Variants in PCDHA4 observed in about 807,000 individuals in gnomAD.
The protein encoded by PCDHA4 is protocadherin alpha-4.
PCDHA4 carries 49 observed loss-of-function variants against 61.4 expected under a neutral mutation model. The observed-to-expected ratio is 0.80, with a 90% CI of 0.63 to 1.01. The LOEUF (loss-of-function observed/expected upper bound fraction) is 1.01. Among genes scored for constraint, PCDHA4 ranks in the 50% least tolerant of loss-of-function variants. The pLI is 0.00. For missense variants in PCDHA4, 1,254 were observed against 1,235.8 expected (o/e 1.01, Z -0.22); for synonymous variants, 590 against 550.3 (o/e 1.07, Z -1.01).
intron 1 of PCDHA4, among the ~76,000 whole-genome samples, chr5:140,899,002 G>T (rs1265936919): frequency 7.2e-4 from 110 of 151,880 alleles, no homozygotes; most frequent in African/African-American, 2.6e-3. Context: ...GTCTGTTATT[G>T]GTGTATAAGA....
At chr5:140,960,162 C>T (rs782387212) in intron 1 of PCDHA4, among the ~76,000 whole-genome samples, 3 of 152,064 alleles carry the variant, frequency 2.0e-5, no homozygotes, top group Non-Finnish European at 4.4e-5. Context: ...ACTGATAATA[C>T]AATTCTTAAG....
intron 1 of PCDHA4, among the ~76,000 whole-genome samples, chr5:140,819,486 C>T (rs1554127699): frequency 6.6e-6 from 1 of 152,094 alleles, no homozygotes. Context: ...GATGCTTAAA[C>T]ATGACTGAAA....
At chr5:140,882,228 T>G in intron 1 of PCDHA4, 1 of 1,564,682 alleles carries the variant, frequency 6.4e-7, no homozygotes, top group Non-Finnish European at 8.7e-7. Context: ...GGTAAGGCGT[T>G]GTATATATTG....
Position 140,808,056 on chromosome 5 carries a change from A to T in PCDHA4, c.869A>T (p.Lys290Ile), listed in dbSNP as rs1393234929. The T allele has an allele frequency of 1.3e-5, 21 of 1,613,972 alleles. No homozygotes were observed. The highest frequency in any genetic ancestry group is 1.5e-5 in the Non-Finnish European group (18 of 1,179,978). ...TCAAATGATATTTCGCCAAATGTGA[A>T]ATCCAAGTTTCACATAGATCCAATT... ...SFSNDISPNVKSKFHIDPITG... is the reference protein window; with the variant it reads ...SFSNDISPNVISKFHIDPITG... The change falls in exon 1 of 4, where the codon AAA becomes ATA. Residue 290 changes from lysine (K) to isoleucine (I), a missense_variant. Lys to Ile is a moderately radical substitution (Grantham distance 102, BLOSUM62 -3). Coordinates refer to ENST00000530339, the MANE Select transcript of PCDHA4 (RefSeq NM_018907.4).
intron 1 of PCDHA4, chr5:140,822,981 T>G (rs2150120995): frequency 6.2e-7 from 1 of 1,614,242 alleles, no homozygotes; most frequent in Admixed American, 1.7e-5. Context: ...CCTTCAAGAA[T>G]TACTACTCGT....
At chr5:140,945,206 A>G (rs148955371) in intron 1 of PCDHA4, among the ~76,000 whole-genome samples, 1 of 152,282 alleles carries the variant, frequency 6.6e-6, no homozygotes, top group East Asian at 1.9e-4. Context: ...TACAATAGCT[A>G]TGAGAAAATA....
At chr5:140,844,146 A>G (rs1056681888) in intron 1 of PCDHA4, among the ~76,000 whole-genome samples, 1 of 149,130 alleles carries the variant, frequency 6.7e-6, no homozygotes, top group Non-Finnish European at 1.5e-5. Flanking sequence ...TTGTCTTTAT[A>G]TTTACTTTTA....
chr5:140,906,999 G>C (rs187849442), intron 1 of PCDHA4, among the ~76,000 whole-genome samples: 1 of 152,088 alleles, frequency 6.6e-6, no homozygotes, highest in Non-Finnish European at 1.5e-5. Flanking sequence ...TCCTCCCTCT[G>C]GAACTAAGAC....
At chr5:140,921,285 T>G (rs1275527554) in intron 1 of PCDHA4, among the ~76,000 whole-genome samples, 1 of 152,180 alleles carries the variant, frequency 6.6e-6, no homozygotes. Context: ...GAAAAAAACC[T>G]CAAATTTGCT....
chr5:140,986,634 A>C (rs1587175680), intron 3 of PCDHA4, among the ~76,000 whole-genome samples: 3 of 152,202 alleles, frequency 2.0e-5, no homozygotes, highest in South Asian at 2.1e-4. Flanking sequence ...GCAACAGTAC[A>C]TTAGTTTTAG....
At chr5:140,861,334 A>G in intron 1 of PCDHA4, 1 of 250,308 alleles carries the variant, frequency 4.0e-6, no homozygotes, top group Non-Finnish European at 8.2e-6. Context: ...CCATCCTGGA[A>G]GAGGCCAAGG....
intron 1 of PCDHA4, chr5:140,866,746 G>A (rs1264233885): frequency 6.6e-6 from 1 of 152,118 alleles, no homozygotes; most frequent in Admixed American, 6.5e-5. Flanking sequence ...ATACTTATAT[G>A]ACTAACAGGA....
chr5:140,906,050 G>T (rs560570961), intron 1 of PCDHA4, among the ~76,000 whole-genome samples: 2 of 152,268 alleles, frequency 1.3e-5, no homozygotes, highest in African/African-American at 4.8e-5. Flanking sequence ...TATTCTGGCT[G>T]CACTGGCAGC....
At chr5:140,954,135 T>C (rs1281133424) in intron 1 of PCDHA4, among the ~76,000 whole-genome samples, 1 of 152,220 alleles carries the variant, frequency 6.6e-6, no homozygotes, top group Non-Finnish European at 1.5e-5. Context: ...TATGGATGCA[T>C]AGTATTCCAT....
chr5:140,938,166 G>A (rs2091953104), intron 1 of PCDHA4, among the ~76,000 whole-genome samples: 2 of 151,980 alleles, frequency 1.3e-5, no homozygotes, highest in South Asian at 4.1e-4. Flanking sequence ...GGCTAGTCTG[G>A]AGCTCCTGGG....
At chr5:141,009,439 G>A (rs187486568) in intron 3 of PCDHA4, among the ~76,000 whole-genome samples, 188 bp from the exon 4 acceptor site, 1 of 152,244 alleles carries the variant, frequency 6.6e-6, no homozygotes, top group East Asian at 1.9e-4. Context: ...GGGAAATCCT[G>A]TCTCAAAAAA....
At position 140,870,679 on chromosome 5, in the gene PCDHA4, G is replaced by C. The variant is rs202117527; in HGVS notation, c.2385+61107G>C. ...CGCGCTGCAGCCGTTGGACCACGAG[G>C]AGCTGGAGCTGCTACAGTTCCAGGT... On this transcript the variant is annotated intron_variant, in intron 1 of 3. Coordinates refer to ENST00000530339, the MANE Select transcript of PCDHA4 (RefSeq NM_018907.4). 1.0e-4 allele frequency: 164 copies of C among 1,612,742 alleles called. No individual in the cohort carries two copies. The African/African-American group carries it at 1.9e-3, about 19-fold the overall frequency.
At chr5:140,950,517 A>G (rs1210598995) in intron 1 of PCDHA4, among the ~76,000 whole-genome samples, 1 of 152,012 alleles carries the variant, frequency 6.6e-6, no homozygotes, top group African/African-American at 2.4e-5. Flanking sequence ...CCTGTGTGCG[A>G]TATGATTGTT....
chr5:140,829,229 G>A (rs1554131821), intron 1 of PCDHA4: 1 of 1,614,122 alleles, frequency 6.2e-7, no homozygotes, highest in East Asian at 2.2e-5. Flanking sequence ...CCTCGATTCA[G>A]GTGCCAACGG....
Sources: gnomAD v4.1 joint callset for allele counts (sites outside exome capture counted in the v4.1 genomes callset) on GRCh38, gnomAD v4.1.1 for gene constraint, MANE v1.5 for transcripts, NCBI Gene and HGNC (gene_info 2026-07-23, HGNC 2026-07-21) for gene names.